GAS2L3: variants seen among roughly 807,000 people sequenced by gnomAD.
GAS2L3 encodes growth arrest specific 2 like 3.
GAS2L3 carries 28 observed loss-of-function variants against 37.0 expected under a neutral mutation model. The ratio of observed to expected loss-of-function variants is 0.76; its 90% CI spans 0.56 to 1.04. GAS2L3 has a LOEUF of 1.04. GAS2L3 is among the 50% of genes least tolerant of loss of function. GAS2L3 has a pLI of 0.00. For synonymous variants in GAS2L3, 290 were observed against 296.6 expected, an observed-to-expected ratio of 0.98 and a Z score of 0.23; for missense variants, 793 against 817.6, an observed-to-expected ratio of 0.97 and a Z score of 0.37.
intron 1 of GAS2L3, among the ~76,000 whole-genome samples, chr12:100,584,916 T>G (rs1256479252): frequency 8.3e-6 from 1 of 120,208 alleles, no homozygotes; most frequent in Non-Finnish European, 1.7e-5. Context: ...TGAGACGGAG[T>G]CTTGCTCTGT....
chr12:100,575,378 A>G (rs533864579), intron 1 of GAS2L3, among the ~76,000 whole-genome samples: 81 of 151,572 alleles, frequency 5.3e-4, no homozygotes, highest in African/African-American at 1.8e-3. Context: ...GTGGATTACT[A>G]TTTATCAAAC....
intron 2 of GAS2L3, among the ~76,000 whole-genome samples, chr12:100,592,170 G>A (rs1955854153): frequency 1.3e-5 from 2 of 152,050 alleles, no homozygotes; most frequent in East Asian, 3.9e-4. Context: ...CCTCCCCAGG[G>A]TCATTTTCCT....
chr12:100,594,286 A>AATTT, intron 2 of GAS2L3, among the ~76,000 whole-genome samples: 1 of 152,142 alleles, frequency 6.6e-6, no homozygotes, highest in East Asian at 1.9e-4. Context: ...TGTAGATTTC[A>AATTT]AGAATACTAC....
Position 100,627,039 on chromosome 12 carries a change from A to C in GAS2L3, c.*2149A>C, listed in dbSNP as rs921911662. ...GGGAGGCAGAGGTTGCAGTGAGCCAAGATTGCGCCACTGCACTCCAGCCTG... is the reference window on the plus strand; with the variant it reads ...GGGAGGCAGAGGTTGCAGTGAGCCACGATTGCGCCACTGCACTCCAGCCTG... On this transcript the variant is annotated 3_prime_UTR_variant, in exon 10 of 10. Transcript: ENST00000547754. Among the ~76,000 whole-genome samples the C allele has an allele frequency of 1.3e-5, 2 of 151,194 alleles. No individual in the cohort carries two copies. The highest frequency in any genetic ancestry group is 4.9e-5 in the African/African-American group (2 of 41,176).
In GAS2L3 at chr12:100,624,398, G is replaced by A. The variant is rs781351436; in HGVS notation, c.1593G>A (p.Thr531=). ...MTKTSSKTIA[T]GLGTQSQPSD... is the part of the protein sequence containing the mutation. ...AAACCAGTTCCAAAACCATAGCCAC[G>A]GGTCTAGGAACACAGTCTCAACCAT... Residue 531 remains threonine (T), a synonymous_variant, in exon 10 of 10, where the codon ACG becomes ACA. Coordinates refer to ENST00000547754, the MANE Select transcript of GAS2L3 (RefSeq NM_174942.3). 122 of 1,613,700 alleles carry A rather than the reference G, an allele frequency of 7.6e-5. No homozygotes were observed. Among genetic ancestry groups the A allele is most frequent in the South Asian group, 3.5e-4 (32 of 91,074 alleles).
intron 8 of GAS2L3, 103 bp downstream of exon 8, chr12:100,618,690 T>C (rs922995465): frequency 1.7e-5 from 18 of 1,048,568 alleles, no homozygotes; most frequent in Non-Finnish European, 2.5e-5. Context: ...AAAGCAAGTG[T>C]TTCTTATTCA....
intron 3 of GAS2L3, 34 bp downstream of exon 3, chr12:100,594,956 A>C (rs763124029): frequency 1.9e-5 from 19 of 1,011,404 alleles, no homozygotes; most frequent in Non-Finnish European, 1.2e-5. Context: ...TATTTAAATT[A>C]TGAGATTAAT....
chr12:100,580,267 T>A, intron 1 of GAS2L3: 1 of 452,044 alleles, frequency 2.2e-6, no homozygotes, highest in Non-Finnish European at 4.0e-6. Flanking sequence ...AATAACCTGC[T>A]TTTTGGGGGC....
At chr12:100,615,584 A>T (rs1164771521) in intron 6 of GAS2L3, among the ~76,000 whole-genome samples, 1 of 151,972 alleles carries the variant, frequency 6.6e-6, no homozygotes, top group African/African-American at 2.4e-5. Flanking sequence ...AGTCATATAT[A>T]TTTTTAACAT....
chr12:100,596,228 T>A (rs973376246), intron 3 of GAS2L3, among the ~76,000 whole-genome samples: 1 of 152,080 alleles, frequency 6.6e-6, no homozygotes, highest in Non-Finnish European at 1.5e-5. Context: ...TTACTCAAAA[T>A]CATTTTTGAC....
At chr12:100,579,879 A>G (rs1224751309) in intron 1 of GAS2L3, 9 of 752,092 alleles carry the variant, frequency 1.2e-5, no homozygotes, top group Admixed American at 9.1e-5. Context: ...TATCCGTAAC[A>G]TAGTAAAGAC....
intron 3 of GAS2L3, among the ~76,000 whole-genome samples, chr12:100,599,780 G>A (rs1055405145): frequency 1.1e-4 from 17 of 152,220 alleles, no homozygotes; most frequent in Non-Finnish European, 2.2e-4. Context: ...CAGCTAGGAT[G>A]TTAAGACTCT....
chr12:100,579,327 G>T, intron 1 of GAS2L3: 2 of 665,678 alleles, frequency 3.0e-6, no homozygotes, highest in South Asian at 1.8e-5. Flanking sequence ...ACCGTACTAC[G>T]AGCGGCACTG....
chr12:100,576,568 G>A (rs1469894216), intron 1 of GAS2L3, among the ~76,000 whole-genome samples: 1 of 152,128 alleles, frequency 6.6e-6, no homozygotes, highest in East Asian at 1.9e-4. Flanking sequence ...GGAAACTTGA[G>A]TCTGTTGGCC....
intron 3 of GAS2L3, among the ~76,000 whole-genome samples, chr12:100,599,023 C>G (rs1435214398): frequency 6.6e-6 from 1 of 152,108 alleles, no homozygotes; most frequent in African/African-American, 2.4e-5. Context: ...GTTAGATGCC[C>G]TCTTTATCCT....
chr12:100,623,912 C>T lies in GAS2L3; in HGVS notation c.1107C>T (p.Val369=), dbSNP rs149531123. ...LKGGNLGSMS[V]RSKLPNSPAA... ...GAGGTAATCTGGGCTCTATGTCAGT[C>T]CGTTCTAAATTGCCAAATTCTCCAG... The change falls in exon 10 of 10, where the codon GTC becomes GTT. Residue 369 remains valine, a synonymous_variant. Transcript: ENST00000547754. The T allele has an allele frequency of 4.2e-4, 676 of 1,614,096 alleles. 1 individual carries two copies. Among genetic ancestry groups the T allele is most frequent in the Admixed American group, 7.5e-4 (45 of 60,002 alleles).
At chr12:100,593,337 C>T (rs1955870038) in intron 2 of GAS2L3, among the ~76,000 whole-genome samples, 2 of 151,998 alleles carry the variant, frequency 1.3e-5, no homozygotes, top group African/African-American at 4.8e-5. Context: ...ATATTTTTGT[C>T]ATCTTAAAAG....
rs547533172 is a variant in GAS2L3 at position 100,623,767 on chromosome 12, C to T, written c.962C>T (p.Ser321Leu). The T allele has an allele frequency of 6.2e-7, 1 of 1,614,008 alleles. No individual in the cohort carries two copies. Among genetic ancestry groups the T allele is most frequent in the Admixed American group, 1.7e-5 (1 of 59,996 alleles). Reference sequence around the variant, plus strand: ...CAGCCTCCTGAAATGAATCCTTTGTCAGCAGTTAACATGTTTCAGAAACAA... The same window carrying T: ...CAGCCTCCTGAAATGAATCCTTTGTTAGCAGTTAACATGTTTCAGAAACAA... Reference protein sequence around the residue: ...TPQPPEMNPLSAVNMFQKQNS... With the variant: ...TPQPPEMNPLLAVNMFQKQNS... Residue 321 changes from serine to leucine, a missense_variant, in exon 10 of 10, where the codon TCA (serine) becomes TTA (leucine). Coordinates refer to ENST00000547754, the MANE Select transcript of GAS2L3 (RefSeq NM_174942.3).
At chr12:100,614,013 A>C (rs1232353847) in intron 6 of GAS2L3, among the ~76,000 whole-genome samples, 1 of 152,200 alleles carries the variant, frequency 6.6e-6, no homozygotes, top group Non-Finnish European at 1.5e-5. Context: ...TGCAACAGAA[A>C]AGGAGATGAT....
Sources: allele counts gnomAD v4.1 joint callset (sites outside exome capture counted in the v4.1 genomes callset), GRCh38; gene constraint gnomAD v4.1.1; transcripts MANE v1.5; gene names NCBI Gene and HGNC (gene_info 2026-07-23, HGNC 2026-07-21).